The following SUFU variants were observed in gnomAD, a reference collection of about 807,000 sequenced individuals.
SUFU encodes the protein SUFU negative regulator of hedgehog signaling.
Under a neutral mutation model 58.9 loss-of-function variants are expected in SUFU, and 7 were observed. That is an observed-to-expected ratio of 0.12 (90% CI 0.07 to 0.22). SUFU has a LOEUF of 0.22. Ranked by LOEUF, SUFU falls within the 10% of genes least tolerant of loss-of-function variation. SUFU has a pLI of 1.00. For synonymous variants in SUFU, 232 were observed against 254.8 expected (o/e 0.91, Z 0.85); for missense variants, 451 against 641.3 (o/e 0.70, Z 3.20).
intron 6 of SUFU, 37 bp from the exon 7 acceptor site, chr10:102,597,103 C>G (rs2063470529): frequency 6.2e-7 from 1 of 1,613,480 alleles, no homozygotes; most frequent in East Asian, 2.2e-5. Context: ...CACCAGTTCT[C>G]TGAAAGAACT....
intron 3 of SUFU, among the ~76,000 whole-genome samples, chr10:102,553,878 AAGCCCAGG>A (rs1203988434): frequency 1.3e-5 from 2 of 152,172 alleles, no homozygotes; most frequent in Non-Finnish European, 2.9e-5. Context: ...AGGTTGGCCT[AAGCCCAGG>A]AGTTCAGGAC....
chr10:102,553,053 CT>C (rs2062934560), intron 3 of SUFU, among the ~76,000 whole-genome samples: 1 of 152,164 alleles, frequency 6.6e-6, no homozygotes, highest in African/African-American at 2.4e-5. Flanking sequence ...TAGTTTGTGT[CT>C]GCAGATCACT....
At chr10:102,581,535 G>A (rs952934265) in intron 3 of SUFU, among the ~76,000 whole-genome samples, 1 of 152,174 alleles carries the variant, frequency 6.6e-6, no homozygotes, top group African/African-American at 2.4e-5. Flanking sequence ...CAATCTCAGA[G>A]GAAGCCTCCT....
At chr10:102,518,915 G>A (rs1008863628) in intron 2 of SUFU, among the ~76,000 whole-genome samples, 21 of 151,166 alleles carry the variant, frequency 1.4e-4, no homozygotes, top group South Asian at 2.1e-4. Flanking sequence ...CGAGGCAGGC[G>A]GATCATGAGG....
At position 102,593,888 on chromosome 10, in the gene SUFU, T is replaced by C. The variant is rs890791327; in HGVS notation, c.684-105T>C. On this transcript the variant is annotated intron_variant, in intron 5 of 11. Coordinates refer to ENST00000369902, the MANE Select transcript of SUFU (RefSeq NM_016169.4). Reference sequence around the variant, plus strand: ...CCTGACAGTCCCTGACCACGAACTATTCCCCTGTGTCCTAGGCCTGGGGCA... The same window carrying C: ...CCTGACAGTCCCTGACCACGAACTACTCCCCTGTGTCCTAGGCCTGGGGCA... 6.9e-6 allele frequency: 10 copies of C among 1,449,786 alleles called. No individual in the cohort carries two copies. In the African/African-American group the frequency reaches 1.3e-4, roughly 18 times the overall value. The allele number at this position is 1,449,786 out of a possible 1,614,324, so 89.8% of individuals were successfully genotyped here. A position where few individuals can be genotyped will look rare whatever the true frequency, so the allele number is the denominator to read the frequency against.
chr10:102,589,442 C>CTTTCTTT (rs1554851911), intron 3 of SUFU, among the ~76,000 whole-genome samples: 13 of 65,366 alleles, frequency 2.0e-4, no homozygotes, highest in African/African-American at 3.7e-4. Context: ...TTCTTTCTTT[C>CTTTCTTT]TTTTTTTTTT....
At chr10:102,585,533 G>A (rs576476712) in intron 3 of SUFU, among the ~76,000 whole-genome samples, 4 of 152,066 alleles carry the variant, frequency 2.6e-5, no homozygotes, top group Non-Finnish European at 5.9e-5. Flanking sequence ...TTGAGACAGG[G>A]TCTCACTCTG....
intron 3 of SUFU, among the ~76,000 whole-genome samples, chr10:102,590,075 A>C (rs563482386): frequency 2.0e-5 from 3 of 151,120 alleles, no homozygotes; most frequent in Non-Finnish European, 4.4e-5. Context: ...GTGTATAACT[A>C]ACCTTGCATT....
chr10:102,576,751 A>G (rs889202252), intron 3 of SUFU, among the ~76,000 whole-genome samples: 1 of 152,186 alleles, frequency 6.6e-6, no homozygotes, highest in Non-Finnish European at 1.5e-5. Flanking sequence ...TCTGTTGCCC[A>G]GGTTGGAGTG....
chr10:102,610,864 G>A lies in SUFU; in HGVS notation c.1023-4404G>A, dbSNP rs1160670285. On this transcript the variant is annotated intron_variant, in intron 8 of 11. Coordinates refer to ENST00000369902, the MANE Select transcript of SUFU (RefSeq NM_016169.4). ...ATCAGCCAGACATATGGGGGAGAAC[G>A]GGTCCCAGGGCATCCCATGGGAGAA... is the stretch of plus-strand genomic sequence containing the variant. Among the ~76,000 whole-genome samples the A allele has an allele frequency of 6.6e-5, 10 of 152,328 alleles. No homozygotes were observed. The East Asian group carries it at 7.7e-4, about 12-fold the overall frequency.
chr10:102,509,375 C>A, intron 2 of SUFU, 72 bp downstream of exon 2: 1 of 1,588,388 alleles, frequency 6.3e-7, no homozygotes, highest in South Asian at 1.1e-5. Flanking sequence ...GTGACAATGT[C>A]ATAGTGCTGT....
chr10:102,606,038 C>G (rs2063559971), intron 8 of SUFU, among the ~76,000 whole-genome samples: 1 of 152,152 alleles, frequency 6.6e-6, no homozygotes, highest in African/African-American at 2.4e-5. Flanking sequence ...GCCCTTTAGG[C>G]GAATGTGAAA....
In SUFU at chr10:102,617,150, G is replaced by A. The variant is rs1435605016; in HGVS notation, c.1158-140G>A. The stretch of plus-strand genomic sequence containing the variant: ...TGTTTGGATACAGTCCCCTGTTGAT[G>A]GGCAGGTGGGCAGCCAGGAGGGCAT... On this transcript the variant is annotated intron_variant, in intron 9 of 11. Transcript: ENST00000369902. The surrounding 1 kb of genome is among the most constrained non-coding windows in gnomAD (Gnocchi z 4.4). 2 of 994,150 alleles carry A rather than the reference G, an allele frequency of 2.0e-6. No homozygotes were observed. Among genetic ancestry groups the A allele is most frequent in the African/African-American group, 3.2e-5 (2 of 62,440 alleles). 61.6% of individuals were successfully genotyped at this position (994,150 alleles called of 1,614,324 possible). A position where few individuals can be genotyped will look rare whatever the true frequency, so the allele number is the denominator to read the frequency against.
chr10:102,556,848 G>C (rs906094923), intron 3 of SUFU, among the ~76,000 whole-genome samples: 7 of 151,956 alleles, frequency 4.6e-5, no homozygotes, highest in African/African-American at 1.7e-4. Flanking sequence ...CCAGCACTTT[G>C]GGAGCCCGAG....
intron 3 of SUFU, among the ~76,000 whole-genome samples, chr10:102,588,909 TTTTG>T (rs1280423369): frequency 2.6e-5 from 4 of 152,192 alleles, no homozygotes; most frequent in African/African-American, 9.6e-5. Context: ...TCATTTTTTA[TTTTG>T]TTTATTTATT....
intron 3 of SUFU, among the ~76,000 whole-genome samples, chr10:102,553,509 G>A (rs1305345087): frequency 6.6e-6 from 1 of 151,550 alleles, no homozygotes; most frequent in Non-Finnish European, 1.5e-5. Context: ...TATTGCCCAG[G>A]CTGGAGTGCA....
intron 3 of SUFU, among the ~76,000 whole-genome samples, chr10:102,570,063 A>T (rs2063144315): frequency 6.6e-6 from 1 of 152,056 alleles, no homozygotes; most frequent in South Asian, 2.1e-4. Context: ...CTTCATTGGG[A>T]TGTAGAAGAA....
intron 3 of SUFU, among the ~76,000 whole-genome samples, chr10:102,587,946 C>T (rs2063351379): frequency 6.6e-6 from 1 of 152,210 alleles, no homozygotes; most frequent in Non-Finnish European, 1.5e-5. Flanking sequence ...TTAGCTATTA[C>T]AGTTAGGTCT....
chr10:102,604,313 C>G (rs1247503265), intron 8 of SUFU, among the ~76,000 whole-genome samples: 1 of 152,244 alleles, frequency 6.6e-6, no homozygotes, highest in South Asian at 2.1e-4. Context: ...TGCCAAGTGC[C>G]TTTACAGGCC....
Sources: allele counts gnomAD v4.1 joint callset (sites outside exome capture counted in the v4.1 genomes callset), GRCh38; gene constraint gnomAD v4.1.1; non-coding constraint Gnocchi (gnomAD v3.1); transcripts MANE v1.5; gene names NCBI Gene and HGNC (gene_info 2026-07-23, HGNC 2026-07-21).